CMYA5: variants seen among roughly 807,000 people sequenced by gnomAD.
CMYA5 encodes cardiomyopathy associated 5, also known as cardiomyopathy-associated protein 5.
A neutral mutation model predicts 318.9 loss-of-function variants in CMYA5; 246 were observed. The ratio of observed to expected loss-of-function variants is 0.77; its 90% CI spans 0.70 to 0.86. The LOEUF (loss-of-function observed/expected upper bound fraction) is 0.86. CMYA5 is among the 40% of genes least tolerant of loss of function. The pLI is 0.00. For missense variants in CMYA5, 4,589 were observed against 4,678.2 expected (o/e 0.98, Z 0.56); for synonymous variants, 1,641 against 1,729.5 (o/e 0.95, Z 1.27).
At chr5:79,718,363 G>C (rs1428655405) in intron 1 of CMYA5, among the ~76,000 whole-genome samples, 1 of 152,006 alleles carries the variant, frequency 6.6e-6, no homozygotes, top group African/African-American at 2.4e-5. Flanking sequence ...TGTATTAAAA[G>C]ATCACAAGCT....
At chr5:79,710,021 C>T (rs1580751133) in intron 1 of CMYA5, among the ~76,000 whole-genome samples, 1 of 134,130 alleles carries the variant, frequency 7.5e-6, no homozygotes, top group Non-Finnish European at 1.6e-5. Context: ...CCAGAATTAT[C>T]TAAAAATTAC....
intron 1 of CMYA5, among the ~76,000 whole-genome samples, chr5:79,714,301 C>T (rs1302919141): frequency 2.0e-5 from 3 of 152,134 alleles, no homozygotes; most frequent in Admixed American, 6.5e-5. Context: ...AACCTCACAT[C>T]AGTCTGTCAT....
At chr5:79,709,196 C>T (rs1296303586) in intron 1 of CMYA5, among the ~76,000 whole-genome samples, 1 of 152,006 alleles carries the variant, frequency 6.6e-6, no homozygotes, top group Non-Finnish European at 1.5e-5. Flanking sequence ...ATTAATCAAC[C>T]TCTCTGGAGG....
intron 1 of CMYA5, among the ~76,000 whole-genome samples, chr5:79,703,444 C>T (rs903636982): frequency 1.3e-5 from 2 of 152,148 alleles, no homozygotes; most frequent in Admixed American, 6.5e-5. Context: ...TCTTACACAC[C>T]TTGGTATTTC....
intron 6 of CMYA5, among the ~76,000 whole-genome samples, chr5:79,757,766 C>A (rs550888803): frequency 6.6e-6 from 1 of 152,306 alleles, no homozygotes; most frequent in East Asian, 1.9e-4. Context: ...GTTGTTGCCT[C>A]CTCTAACCTA....
intron 2 of CMYA5, among the ~76,000 whole-genome samples, chr5:79,741,267 G>C (rs1426698265): frequency 6.6e-6 from 1 of 152,192 alleles, no homozygotes; most frequent in East Asian, 1.9e-4. Context: ...GTCTCAGAGA[G>C]TTTAAATGAT....
At chr5:79,755,728 C>A (rs1457269068) in intron 6 of CMYA5, among the ~76,000 whole-genome samples, 3 of 152,120 alleles carry the variant, frequency 2.0e-5, no homozygotes, top group Non-Finnish European at 4.4e-5. Context: ...TTCTTATTCC[C>A]TTTTCATTTT....
rs75074436 is a variant in CMYA5, at chr5:79,737,184, A to G, written c.8419A>G (p.Thr2807Ala). The change falls in exon 2 of 13, where the codon ACA (threonine) becomes GCA (alanine). Residue 2807 changes from threonine (T) to alanine (A), a missense_variant. Thr to Ala is a moderately conservative substitution (Grantham distance 58). This residue lies in a region of CMYA5 where 2,431 missense variants were observed against 2,495.1 expected (regional missense o/e 0.97). Coordinates refer to ENST00000446378, the MANE Select transcript of CMYA5 (RefSeq NM_153610.5). ...RPFDETKSSE[T>A]PPYLLSPVKP... Reference sequence around the variant, plus strand: ...TTTTGATGAAACTAAGAGCTCAGAAACACCGCCATATTTGCTGTCACCTGT... The same window carrying G: ...TTTTGATGAAACTAAGAGCTCAGAAGCACCGCCATATTTGCTGTCACCTGT... 1.2e-6 allele frequency: 2 copies of G among 1,613,254 alleles called. No homozygotes were observed. Among genetic ancestry groups the G allele is most frequent in the East Asian group, 2.2e-5 (1 of 44,858 alleles).
At position 79,735,525 on chromosome 5, in the gene CMYA5, G is replaced by C; in HGVS notation, c.6760G>C (p.Val2254Leu). 6.2e-7 allele frequency: 1 copy of C among 1,613,042 alleles called. No individual in the cohort carries two copies. Among genetic ancestry groups the C allele is most frequent in the Non-Finnish European group, 8.5e-7 (1 of 1,179,648 alleles). Reference protein sequence around the residue: ...KTADEPRGTLVKSGDGQNVKE... With the variant: ...KTADEPRGTLLKSGDGQNVKE... Reference sequence around the variant, plus strand: ...TGCTGATGAACCCAGAGGTACTTTAGTAAAATCTGGTGACGGTCAAAACGT... The same window carrying C: ...TGCTGATGAACCCAGAGGTACTTTACTAAAATCTGGTGACGGTCAAAACGT... The change falls in exon 2 of 13, where the codon GTA (valine) becomes CTA (leucine). Residue 2254 changes from valine (V) to leucine (L), a missense_variant. By Grantham distance (32) the Val-to-Leu change is conservative. Transcript: ENST00000446378.
At chr5:79,758,261 G>A (rs927025414) in intron 6 of CMYA5, among the ~76,000 whole-genome samples, 1 of 151,226 alleles carries the variant, frequency 6.6e-6, no homozygotes, top group Non-Finnish European at 1.5e-5. Flanking sequence ...GGCCGGTGTG[G>A]TGGCTCATGC....
chr5:79,737,788 TAGA>T lies in CMYA5; in HGVS notation c.9027_9029del (p.Glu3009del), dbSNP rs1828113777. 6.2e-7 allele frequency: 1 copy of T among 1,611,098 alleles called. No homozygotes were observed. Among genetic ancestry groups the T allele is most frequent in the Non-Finnish European group, 8.5e-7 (1 of 1,179,226 alleles). On this transcript the variant is annotated inframe_deletion, in exon 2 of 13. Coordinates refer to ENST00000446378, the MANE Select transcript of CMYA5 (RefSeq NM_153610.5). ...TGTCATAAAACATTAAAGAGCAGGT[TAGA>T]AGATGAAAAAGTTACCCCATTGAAA...
rs773408139 is a variant in CMYA5, at chr5:79,734,724, C to T, written c.5959C>T (p.Leu1987=). ...AAGTTACTCTTCTGAAGAAGTAAAGCTGGCTGAAGAACCAAAGTCTTTAGT... is the reference window on the plus strand; with the variant it reads ...AAGTTACTCTTCTGAAGAAGTAAAGTTGGCTGAAGAACCAAAGTCTTTAGT... ...SKSYSSEEVK[L]AEEPKSLVLA... Residue 1987 remains leucine, a synonymous_variant, in exon 2 of 13, where the codon CTG becomes TTG. Coordinates refer to ENST00000446378, the MANE Select transcript of CMYA5 (RefSeq NM_153610.5). The T allele has an allele frequency of 2.5e-6, 4 of 1,613,792 alleles. No homozygotes were observed. In the South Asian group the frequency reaches 4.4e-5, roughly 18 times the overall value.
chr5:79,717,759 A>G (rs1827547263), intron 1 of CMYA5, among the ~76,000 whole-genome samples: 1 of 152,174 alleles, frequency 6.6e-6, no homozygotes, highest in Non-Finnish European at 1.5e-5. Context: ...GGCCTTTAGT[A>G]TATCTACAAA....
At chr5:79,755,376 T>G (rs764383199) in intron 6 of CMYA5, among the ~76,000 whole-genome samples, 36 of 151,878 alleles carry the variant, frequency 2.4e-4, no homozygotes, top group Admixed American at 2.6e-4. Flanking sequence ...AACCTCCGCC[T>G]CCCGGGTTCA....
intron 12 of CMYA5, among the ~76,000 whole-genome samples, chr5:79,798,465 C>T (rs938305999): frequency 1.3e-5 from 2 of 152,124 alleles, no homozygotes; most frequent in African/African-American, 4.8e-5. Context: ...TTACATAGAG[C>T]AATTTAGCTT....
intron 1 of CMYA5, among the ~76,000 whole-genome samples, chr5:79,695,415 T>G (rs1007410314): frequency 6.6e-6 from 1 of 152,260 alleles, no homozygotes; most frequent in Non-Finnish European, 1.5e-5. Flanking sequence ...AGTGTAAAAC[T>G]TATTAGAGAT....
intron 12 of CMYA5, among the ~76,000 whole-genome samples, chr5:79,795,069 A>G (rs760969319): frequency 6.6e-6 from 1 of 152,130 alleles, no homozygotes; most frequent in African/African-American, 2.4e-5. Flanking sequence ...GCTAACCTCC[A>G]ATAACAAATT....
intron 1 of CMYA5, among the ~76,000 whole-genome samples, chr5:79,697,162 A>G (rs1362135773): frequency 6.6e-6 from 1 of 152,242 alleles, no homozygotes; most frequent in Non-Finnish European, 1.5e-5. Context: ...AAGGGCAGGT[A>G]TTAAATAAAT....
chr5:79,708,111 A>G (rs1580749866), intron 1 of CMYA5, among the ~76,000 whole-genome samples: 1 of 152,232 alleles, frequency 6.6e-6, no homozygotes, highest in South Asian at 2.1e-4. Context: ...TATGAATTTT[A>G]TGAGACACAT....
Sources: gnomAD v4.1 joint callset for allele counts (sites outside exome capture counted in the v4.1 genomes callset) on GRCh38, gnomAD v4.1.1 for gene constraint, gnomAD v4.1.1 regional missense constraint, MANE v1.5 for transcripts, NCBI Gene and HGNC (gene_info 2026-07-23, HGNC 2026-07-21) for gene names.